Variants in FLRT2 observed in about 807,000 individuals in gnomAD.
The protein encoded by FLRT2 is fibronectin leucine rich transmembrane protein 2, also known as leucine-rich repeat transmembrane protein FLRT2.
Under a neutral mutation model 40.0 loss-of-function variants are expected in FLRT2, and 15 were observed. The observed-to-expected ratio is 0.38, with a 90% CI of 0.25 to 0.58. The LOEUF is 0.58. FLRT2 is among the 20% of genes least tolerant of loss of function. FLRT2 has a pLI of 0.71. For missense variants in FLRT2, 726 were observed against 840.0 expected (o/e 0.86, Z 1.68); for synonymous variants, 380 against 336.8 (o/e 1.13, Z -1.41).
At chr14:85,564,229 A>G (rs1214598010) in intron 1 of FLRT2, among the ~76,000 whole-genome samples, 5 of 152,158 alleles carry the variant, frequency 3.3e-5, no homozygotes, top group Non-Finnish European at 7.3e-5. Flanking sequence ...CCACGAATTG[A>G]TTTGGCCAGT....
chr14:85,607,854 A>T (rs1483396680), intron 1 of FLRT2, among the ~76,000 whole-genome samples: 1 of 152,160 alleles, frequency 6.6e-6, no homozygotes, highest in Admixed American at 6.5e-5. Context: ...TGACTTGAAC[A>T]ACAGAAATGT....
At chr14:85,586,255 G>A (rs1255491317) in intron 1 of FLRT2, among the ~76,000 whole-genome samples, 3 of 151,720 alleles carry the variant, frequency 2.0e-5, no homozygotes, top group Non-Finnish European at 4.4e-5. Flanking sequence ...GCCACAGAGA[G>A]GTTAGTGAAG....
At position 85,622,293 on chromosome 14, in the gene FLRT2, A is replaced by C; in HGVS notation, c.779A>C (p.Gln260Pro). The change falls in exon 2 of 2, where the codon CAG becomes CCG. Residue 260 changes from glutamine (Q) to proline (P), a missense_variant. Coordinates refer to ENST00000330753, the MANE Select transcript of FLRT2 (RefSeq NM_013231.6). The stretch of plus-strand genomic sequence containing the variant: ...ACGCATCTGATCAGGCTCTATTTGC[A>C]GGACAACCAGATAAACCACATTCCT... Reference protein sequence around the residue: ...PGTHLIRLYLQDNQINHIPLT... With the variant: ...PGTHLIRLYLPDNQINHIPLT... 1 of 1,614,138 alleles carries C rather than the reference A, an allele frequency of 6.2e-7. No homozygotes were observed. The highest frequency in any genetic ancestry group is 8.5e-7 in the Non-Finnish European group (1 of 1,180,012).
At chr14:85,576,493 G>T (rs796811405) in intron 1 of FLRT2, among the ~76,000 whole-genome samples, 46 of 152,290 alleles carry the variant, frequency 3.0e-4, no homozygotes, top group African/African-American at 1.1e-3. Flanking sequence ...CAAACTGGGA[G>T]CTTTACATGT....
At chr14:85,538,027 A>G (rs1157016222) in intron 1 of FLRT2, among the ~76,000 whole-genome samples, 1 of 152,118 alleles carries the variant, frequency 6.6e-6, no homozygotes, top group Non-Finnish European at 1.5e-5. Flanking sequence ...GTTCTGTAAA[A>G]CATCTTTCTA....
intron 1 of FLRT2, among the ~76,000 whole-genome samples, chr14:85,541,422 G>A (rs1888980876): frequency 6.6e-6 from 1 of 152,132 alleles, no homozygotes; most frequent in Admixed American, 6.6e-5. Context: ...TTTTATACAA[G>A]ATTGAAGGGA....
At chr14:85,552,766 C>T (rs181165903) in intron 1 of FLRT2, 3 of 152,190 alleles carry the variant, frequency 2.0e-5, no homozygotes, top group Admixed American at 2.0e-4. Flanking sequence ...GGGTTGATGG[C>T]AAGATTTGGA....
intron 1 of FLRT2, among the ~76,000 whole-genome samples, chr14:85,589,133 T>A (rs1311260906): frequency 1.3e-5 from 2 of 152,182 alleles, no homozygotes. Context: ...TATCCAGTAA[T>A]GCAATTGCTG....
intron 1 of FLRT2, among the ~76,000 whole-genome samples, chr14:85,537,194 G>C (rs1888709986): frequency 6.6e-6 from 1 of 152,128 alleles, no homozygotes; most frequent in South Asian, 2.1e-4. Flanking sequence ...TTTGTCTTGT[G>C]AGGGTTTTCA....
At chr14:85,560,607 T>C (rs115444589) in intron 1 of FLRT2, among the ~76,000 whole-genome samples, 1 of 148,786 alleles carries the variant, frequency 6.7e-6, no homozygotes, top group African/African-American at 2.5e-5. Flanking sequence ...ATAAAAGAAA[T>C]AAATAAAAAA....
intron 1 of FLRT2, among the ~76,000 whole-genome samples, chr14:85,540,151 A>G (rs1247458654): frequency 7.2e-5 from 11 of 152,180 alleles, no homozygotes; most frequent in Non-Finnish European, 1.6e-4. Flanking sequence ...TATCCAGGTT[A>G]CCTTTTGCAA....
At chr14:85,538,454 GT>G (rs954799189) in intron 1 of FLRT2, among the ~76,000 whole-genome samples, 3 of 152,128 alleles carry the variant, frequency 2.0e-5, no homozygotes, top group African/African-American at 4.8e-5. Context: ...GAACTGAGCA[GT>G]TTTTCCCCCC....
intron 1 of FLRT2, among the ~76,000 whole-genome samples, chr14:85,603,508 T>C (rs1008318355): frequency 6.6e-6 from 1 of 152,198 alleles, no homozygotes; most frequent in African/African-American, 2.4e-5. Context: ...CTTCTGATAA[T>C]AGATGATGGG....
chr14:85,539,867 A>G (rs1888883968), intron 1 of FLRT2, among the ~76,000 whole-genome samples: 1 of 152,204 alleles, frequency 6.6e-6, no homozygotes, highest in Admixed American at 6.5e-5. Context: ...TTACGGCCTC[A>G]AGAGATATCA....
chr14:85,623,716 T>C lies in FLRT2; in HGVS notation c.*219T>C. ...AATTACAAACAGTTTTGTAACTCTT[T>C]GCTTTTTAAATCTTAAAAAAAAAAA... On this transcript the variant is annotated 3_prime_UTR_variant, in exon 2 of 2. Coordinates refer to ENST00000330753, the MANE Select transcript of FLRT2 (RefSeq NM_013231.6). 1 of 428,286 alleles carries C rather than the reference T, an allele frequency of 2.3e-6. No homozygotes were observed. The highest frequency in any genetic ancestry group is 4.1e-6 in the Non-Finnish European group (1 of 242,786). 26.5% of individuals were successfully genotyped at this position (428,286 alleles called of 1,614,324 possible). A position where few individuals can be genotyped will look rare whatever the true frequency, so the allele number is the denominator to read the frequency against.
At chr14:85,574,993 G>A (rs1032450741) in intron 1 of FLRT2, among the ~76,000 whole-genome samples, 12 of 152,172 alleles carry the variant, frequency 7.9e-5, no homozygotes, top group Admixed American at 2.0e-4. Flanking sequence ...CAACAAAGTC[G>A]GGATTCATTT....
intron 1 of FLRT2, among the ~76,000 whole-genome samples, chr14:85,539,379 T>TA (rs11348842): frequency 0.028 from 4,329 of 151,898 alleles, 209 homozygotes; most frequent in African/African-American, 0.099. Flanking sequence ...GTTGGAACAG[T>TA]AAAAAAAAAT....
rs1894068491 is a variant in FLRT2 at position 85,638,627 on chromosome 14, G to T, written c.*15130G>T. 2 of 152,152 alleles carry T rather than the reference G, an allele frequency of 1.3e-5. No homozygotes were observed. Among genetic ancestry groups the T allele is most frequent in the Admixed American group, 6.5e-5 (1 of 15,272 alleles). The allele number at this position is 152,152 out of a possible 1,614,324, so 9.4% of individuals were successfully genotyped here. On this transcript the variant is annotated 3_prime_UTR_variant, in exon 2 of 2. Transcript: ENST00000330753. ...TCACACTTCTTCTCAAGGCTGTCTT[G>T]AATTCCTCCAACAATAGACCCGTTA...
Position 85,583,730 on chromosome 14 carries a change from G to T in FLRT2, c.-376-37409G>T, listed in dbSNP as rs372635765. Among the ~76,000 whole-genome samples, 2 of 152,168 alleles carry T rather than the reference G, an allele frequency of 1.3e-5. 1 individual carries two copies. Among genetic ancestry groups the T allele is most frequent in the East Asian group, 3.9e-4 (2 of 5,182 alleles). On this transcript the variant is annotated intron_variant, in intron 1 of 1. Coordinates refer to ENST00000330753, the MANE Select transcript of FLRT2 (RefSeq NM_013231.6). ...GCTGCATGTTGATTGCCATGCCCTA[G>T]AAAGAGCAGAGGCAGAAGCCTCCTG...
Sources: gnomAD v4.1 joint callset for allele counts (sites outside exome capture counted in the v4.1 genomes callset) on GRCh38, gnomAD v4.1.1 for gene constraint, MANE v1.5 for transcripts, NCBI Gene and HGNC (gene_info 2026-07-23, HGNC 2026-07-21) for gene names.